The following OPCML variants were observed in gnomAD, a reference collection of about 807,000 sequenced individuals.
OPCML encodes the protein opioid binding protein/cell adhesion molecule like.
Under a neutral mutation model 37.8 loss-of-function variants are expected in OPCML, and 13 were observed. The observed-to-expected ratio is 0.34, with a 90% CI of 0.22 to 0.55. The LOEUF (loss-of-function observed/expected upper bound fraction) is 0.55. OPCML is among the 20% of genes least tolerant of loss of function. OPCML has a pLI of 0.91. For missense variants in OPCML, 341 were observed against 435.6 expected (o/e 0.78, Z 1.93); for synonymous variants, 176 against 168.8 (o/e 1.04, Z -0.33).
At chr11:133,147,724 G>A (rs1482581848) in intron 1 of OPCML, among the ~76,000 whole-genome samples, 1 of 152,114 alleles carries the variant, frequency 6.6e-6, no homozygotes, top group Admixed American at 6.6e-5. Flanking sequence ...CCTACTGAGT[G>A]CCAGGCACCA....
chr11:133,414,495 C>T (rs1247452198), intron 1 of OPCML, among the ~76,000 whole-genome samples: 1 of 152,084 alleles, frequency 6.6e-6, no homozygotes, highest in Non-Finnish European at 1.5e-5. Flanking sequence ...CTGTTGTCAG[C>T]TATAGACATA....
chr11:133,414,112 GC>G (rs1306690410), intron 1 of OPCML, among the ~76,000 whole-genome samples: 2 of 152,132 alleles, frequency 1.3e-5, no homozygotes, highest in African/African-American at 4.8e-5. Context: ...CTTACCTACA[GC>G]CTACTCTATA....
intron 1 of OPCML, among the ~76,000 whole-genome samples, chr11:132,951,607 G>A (rs924508151): frequency 4.6e-5 from 7 of 152,312 alleles, no homozygotes; most frequent in African/African-American, 1.7e-4. Flanking sequence ...TTGGCATCAT[G>A]CCTGGCACTC....
intron 1 of OPCML, among the ~76,000 whole-genome samples, chr11:132,996,153 G>A (rs1445830488): frequency 6.6e-6 from 1 of 152,144 alleles, no homozygotes; most frequent in Non-Finnish European, 1.5e-5. Flanking sequence ...TTTCACCAAT[G>A]TCTGTCCTCA....
chr11:132,702,106 C>T (rs1943850824), intron 2 of OPCML, among the ~76,000 whole-genome samples: 1 of 152,180 alleles, frequency 6.6e-6, no homozygotes, highest in African/African-American at 2.4e-5. Flanking sequence ...ACACACCACT[C>T]TTCTGTATTA....
intron 1 of OPCML, among the ~76,000 whole-genome samples, chr11:133,140,778 A>ACAAT (rs1565467891): frequency 4.2e-5 from 6 of 143,366 alleles, no homozygotes; most frequent in African/African-American, 1.6e-4. Flanking sequence ...AAGAAGAAGA[A>ACAAT]GAAGACGACG....
chr11:133,307,433 T>C (rs1942951964), intron 1 of OPCML, among the ~76,000 whole-genome samples: 1 of 152,208 alleles, frequency 6.6e-6, no homozygotes, highest in South Asian at 2.1e-4. Context: ...TTTATACACA[T>C]TTTACAGTGT....
chr11:132,502,020 T>C (rs890031918), intron 4 of OPCML, among the ~76,000 whole-genome samples: 8 of 152,324 alleles, frequency 5.3e-5, no homozygotes, highest in African/African-American at 1.7e-4. Flanking sequence ...CATAAAACCC[T>C]ATTCAGGAAA....
intron 1 of OPCML, among the ~76,000 whole-genome samples, chr11:133,344,837 G>A (rs1251086258): frequency 1.3e-5 from 2 of 152,100 alleles, no homozygotes; most frequent in African/African-American, 2.4e-5. Context: ...CTGGAGACAT[G>A]GTGTGTGTCC....
chr11:133,270,987 G>A (rs1941811701), intron 1 of OPCML, among the ~76,000 whole-genome samples: 1 of 152,104 alleles, frequency 6.6e-6, no homozygotes, highest in South Asian at 2.1e-4. Flanking sequence ...ATTCTGAATT[G>A]CTCCTTGAAG....
At chr11:133,362,943 C>A (rs959540719) in intron 1 of OPCML, among the ~76,000 whole-genome samples, 2 of 152,190 alleles carry the variant, frequency 1.3e-5, no homozygotes, top group Non-Finnish European at 2.9e-5. Flanking sequence ...GAAGGGAATG[C>A]AGAGAAACCA....
intron 1 of OPCML, among the ~76,000 whole-genome samples, chr11:133,483,445 T>C (rs1328868887): frequency 5.9e-5 from 9 of 151,862 alleles, no homozygotes; most frequent in Non-Finnish European, 2.9e-5. Context: ...ATTAGCTAGA[T>C]TGATTGATAA....
At chr11:132,715,048 C>CA (rs1944417271) in intron 2 of OPCML, among the ~76,000 whole-genome samples, 1 of 152,094 alleles carries the variant, frequency 6.6e-6, no homozygotes, top group South Asian at 2.1e-4. Context: ...TGCTCATGGG[C>CA]AAGGGAGGGC....
At chr11:133,322,912 A>G (rs1943366999) in intron 1 of OPCML, among the ~76,000 whole-genome samples, 1 of 152,246 alleles carries the variant, frequency 6.6e-6, no homozygotes, top group Non-Finnish European at 1.5e-5. Flanking sequence ...ACAACTGAGC[A>G]ATTAGGAATT....
At chr11:133,312,283 C>A (rs543063245) in intron 1 of OPCML, among the ~76,000 whole-genome samples, 3 of 152,270 alleles carry the variant, frequency 2.0e-5, no homozygotes, top group Admixed American at 6.5e-5. Context: ...TGCTTCCCCC[C>A]AAAAGAAAGA....
At chr11:133,496,454 G>A (rs1947789225) in intron 1 of OPCML, among the ~76,000 whole-genome samples, 1 of 152,054 alleles carries the variant, frequency 6.6e-6, no homozygotes, top group South Asian at 2.1e-4. Flanking sequence ...GTGGTATTTT[G>A]ATGGGGATGT....
At position 132,943,195 on chromosome 11, in the gene OPCML, GGCAGA is replaced by G; in HGVS notation, c.62-190_62-186del. On this transcript the variant is annotated intron_variant, in intron 1 of 7. Transcript: ENST00000524381. The surrounding 1 kb of genome is among the most constrained non-coding windows in gnomAD (Gnocchi z 4.3). ...GAAGCGGTGCGGGGAGGAGGGAAGG[GGCAGA>G]GTTCGCCAGGAGCAGGGGGAAGGAG... 6.4e-7 allele frequency: 1 copy of G among 1,551,300 alleles called. No homozygotes were observed. Among genetic ancestry groups the G allele is most frequent in the Non-Finnish European group, 8.8e-7 (1 of 1,139,260 alleles).
rs534024127 is a variant in OPCML, at chr11:132,855,533, T to C, written c.146+87393A>G. Among the ~76,000 whole-genome samples, 14 of 152,326 alleles carry C rather than the reference T, an allele frequency of 9.2e-5. No individual in the cohort carries two copies. In the South Asian group the frequency reaches 2.9e-3, roughly 32 times the overall value. On this transcript the variant is annotated intron_variant, in intron 2 of 7. Coordinates refer to ENST00000524381, the MANE Select transcript of OPCML (RefSeq NM_001012393.5). ...AAGACCACTCTGGGTGATTACAATA[T>C]GATTTCATTTCTCCCGGGTTAATAT...
chr11:133,098,213 C>CTTT (rs749902124), intron 1 of OPCML, among the ~76,000 whole-genome samples: 5 of 133,734 alleles, frequency 3.7e-5, no homozygotes, highest in Admixed American at 7.5e-5. Flanking sequence ...GCTGGTTAAA[C>CTTT]TTTTTTTTTT....
Sources: allele counts gnomAD v4.1 joint callset (sites outside exome capture counted in the v4.1 genomes callset), GRCh38; gene constraint gnomAD v4.1.1; non-coding constraint Gnocchi (gnomAD v3.1); transcripts MANE v1.5; gene names NCBI Gene and HGNC (gene_info 2026-07-23, HGNC 2026-07-21).